The following CPVL variants were observed in gnomAD, a reference collection of about 807,000 sequenced individuals.
CPVL encodes the protein probable serine carboxypeptidase CPVL.
In CPVL, 51 loss-of-function variants were observed where a neutral mutation model predicts 63.7. That is an observed-to-expected ratio of 0.80 (90% CI 0.64 to 1.01). The LOEUF (loss-of-function observed/expected upper bound fraction) is 1.01. Ranked by LOEUF, CPVL falls within the 50% of genes least tolerant of loss-of-function variation. The pLI, the probability that CPVL is intolerant of heterozygous loss-of-function variation, is 0.00. For synonymous variants in CPVL, 195 were observed against 206.0 expected (o/e 0.95, Z 0.46); for missense variants, 530 against 573.1 (o/e 0.92, Z 0.77).
At chr7:29,059,008 C>T (rs1370993009) in intron 11 of CPVL, among the ~76,000 whole-genome samples, 1 of 152,016 alleles carries the variant, frequency 6.6e-6, no homozygotes, top group Non-Finnish European at 1.5e-5. Flanking sequence ...ATTTCCTTCT[C>T]TTTCTTCTTG....
At chr7:29,060,951 A>G (rs879802291) in intron 11 of CPVL, among the ~76,000 whole-genome samples, 1 of 152,218 alleles carries the variant, frequency 6.6e-6, no homozygotes, top group Non-Finnish European at 1.5e-5. Flanking sequence ...AGACAAGCCA[A>G]AGATAATCAC....
At chr7:29,190,701 G>A (rs565096648) in intron 1 of CPVL, among the ~76,000 whole-genome samples, 9 of 152,222 alleles carry the variant, frequency 5.9e-5, no homozygotes, top group East Asian at 5.8e-4. Flanking sequence ...TTACATGACC[G>A]TCAAGTTCTT....
At chr7:29,060,686 G>A (rs1412206353) in intron 11 of CPVL, among the ~76,000 whole-genome samples, 1 of 152,118 alleles carries the variant, frequency 6.6e-6, no homozygotes, top group Non-Finnish European at 1.5e-5. Context: ...TTTTTATACA[G>A]AAACTACATG....
intron 11 of CPVL, among the ~76,000 whole-genome samples, chr7:29,061,099 G>A (rs1351868424): frequency 6.6e-6 from 1 of 152,054 alleles, no homozygotes; most frequent in South Asian, 2.1e-4. Flanking sequence ...TCTTTTTCTG[G>A]CAACCGATTC....
chr7:29,030,099 G>T (rs954206205), intron 12 of CPVL, among the ~76,000 whole-genome samples: 2 of 152,154 alleles, frequency 1.3e-5, no homozygotes, highest in African/African-American at 4.8e-5. Flanking sequence ...CACTTGAAGA[G>T]GACATTGCAA....
At chr7:29,030,142 C>T (rs1199453771) in intron 12 of CPVL, among the ~76,000 whole-genome samples, 1 of 152,182 alleles carries the variant, frequency 6.6e-6, no homozygotes, top group Non-Finnish European at 1.5e-5. Flanking sequence ...CATCTGACCC[C>T]GCAGTGGAAG....
chr7:29,034,432 GATTT>G (rs1788322799), intron 11 of CPVL, among the ~76,000 whole-genome samples: 1 of 151,876 alleles, frequency 6.6e-6, no homozygotes, highest in African/African-American at 2.4e-5. Context: ...TTTATTTATT[GATTT>G]ATTTTTCTTC....
chr7:29,125,231 C>T (rs1789873071), intron 1 of CPVL: 1 of 151,962 alleles, frequency 6.6e-6, no homozygotes, highest in Admixed American at 6.6e-5. Context: ...TATTTTAGAC[C>T]TACAAGATAT....
At chr7:29,191,170 G>A (rs1782847910) in intron 1 of CPVL, among the ~76,000 whole-genome samples, 1 of 152,026 alleles carries the variant, frequency 6.6e-6, no homozygotes. Flanking sequence ...GGCCTCAAGG[G>A]ATCCTCCCAC....
At chr7:29,091,839 C>T (rs1785840851) in intron 6 of CPVL, among the ~76,000 whole-genome samples, 1 of 152,200 alleles carries the variant, frequency 6.6e-6, no homozygotes, top group Non-Finnish European at 1.5e-5. Flanking sequence ...TGTCAGAGAT[C>T]AGCAAACTCT....
intron 12 of CPVL, among the ~76,000 whole-genome samples, chr7:28,998,598 G>A (rs1009394736): frequency 2.6e-5 from 4 of 152,176 alleles, no homozygotes; most frequent in East Asian, 1.9e-4. Flanking sequence ...CACAGTGCCC[G>A]GCCTGGGATG....
rs371051206 is a variant in CPVL at position 29,072,076 on chromosome 7, C to T, written c.733-172G>A. Among the ~76,000 whole-genome samples, 23 of 152,236 alleles carry T rather than the reference C, an allele frequency of 1.5e-4. 2 individuals are homozygous for T. Among genetic ancestry groups the T allele is most frequent in the African/African-American group, 5.5e-4 (23 of 41,534 alleles). ...ACACCCCACAACACACACAACAGAA[C>T]ACAACACAATACAAACACACACACA... On this transcript the variant is annotated intron_variant, in intron 8 of 12. Transcript: ENST00000265394.
chr7:29,179,675 A>T (rs1026149712), intron 5 of CPVL, among the ~76,000 whole-genome samples: 3 of 152,254 alleles, frequency 2.0e-5, no homozygotes, highest in Non-Finnish European at 4.4e-5. Flanking sequence ...TAGAGAAACC[A>T]TCAATAATTA....
intron 12 of CPVL, among the ~76,000 whole-genome samples, chr7:29,025,753 G>A (rs1434428016): frequency 6.6e-6 from 1 of 152,126 alleles, no homozygotes; most frequent in East Asian, 1.9e-4. Flanking sequence ...TTTCAATTTA[G>A]CAAGAGGATA....
intron 11 of CPVL, among the ~76,000 whole-genome samples, chr7:29,055,007 T>C (rs1499232): frequency 0.59 from 89,843 of 152,020 alleles, 28,614 homozygotes; most frequent in Non-Finnish European, 0.72. Flanking sequence ...TTGCTTGTTT[T>C]GTAACTCCAT....
chr7:29,034,632 C>T (rs1425472729), intron 11 of CPVL, among the ~76,000 whole-genome samples: 2 of 151,860 alleles, frequency 1.3e-5, no homozygotes, highest in African/African-American at 2.4e-5. Context: ...GTGTTCTCAT[C>T]GTTTTTTACA....
upstream of CPVL, among the ~76,000 whole-genome samples, chr7:29,150,669 A>T (rs1333064242): frequency 6.6e-6 from 1 of 152,218 alleles, no homozygotes; most frequent in Non-Finnish European, 1.5e-5. Flanking sequence ...AATGGAAACA[A>T]GGGGAATTGA....
At chr7:29,026,815 C>T (rs1203674995) in intron 12 of CPVL, among the ~76,000 whole-genome samples, 1 of 152,000 alleles carries the variant, frequency 6.6e-6, no homozygotes, top group African/African-American at 2.4e-5. Context: ...CTTGAACAGA[C>T]CAATAAAGAA....
intron 1 of CPVL, among the ~76,000 whole-genome samples, chr7:29,131,125 C>T (rs1481382030): frequency 1.3e-5 from 2 of 151,854 alleles, no homozygotes; most frequent in African/African-American, 2.4e-5. Context: ...GAGCCGAGAT[C>T]GCATCACTGC....
Sources: allele counts gnomAD v4.1 joint callset (sites outside exome capture counted in the v4.1 genomes callset), GRCh38; gene constraint gnomAD v4.1.1; transcripts MANE v1.5; gene names NCBI Gene and HGNC (gene_info 2026-07-23, HGNC 2026-07-21).